CNOT3: variants seen among roughly 807,000 people sequenced by gnomAD.
CNOT3 encodes CCR4-associated factor 3.
A neutral mutation model predicts 89.4 loss-of-function variants in CNOT3; 2 were observed. The ratio of observed to expected loss-of-function variants is 0.02; its 90% CI spans 0.01 to 0.07. The LOEUF is 0.07. Ranked by LOEUF, CNOT3 falls within the 10% of genes least tolerant of loss-of-function variation. CNOT3 has a pLI of 1.00. For synonymous variants in CNOT3, 486 were observed against 402.0 expected, an observed-to-expected ratio of 1.21 and a Z score of -2.50; for missense variants, 664 against 1,010.2, an observed-to-expected ratio of 0.66 and a Z score of 4.65.
rs36665 is a variant in CNOT3, at chr19:54,145,935, C to G, written c.729C>G (p.Pro243=). Residue 243 remains proline, a synonymous_variant, in exon 9 of 18, where the codon CCC becomes CCG. Transcript: ENST00000221232. The surrounding 1 kb of genome is among the most constrained non-coding windows in gnomAD (Gnocchi z 5.9). ...DIPQALVATS[P]PSHSHMEDEI... ...CACAGGCGCTGGTCGCCACCTCCCC[C>G]CCCAGCCACAGCCACATGGAGGATG... is the stretch of plus-strand genomic sequence containing the variant. 100 of 1,613,940 alleles carry G rather than the reference C, an allele frequency of 6.2e-5. No homozygotes were observed. Among genetic ancestry groups the G allele is most frequent in the Admixed American group, 1.0e-4 (6 of 60,020 alleles).
At chr19:54,153,245 C>G (rs555923646) in intron 16 of CNOT3, 1 of 763,150 alleles carries the variant, frequency 1.3e-6, no homozygotes, top group East Asian at 2.4e-5. Flanking sequence ...ACCTCAGCCC[C>G]GCTTCCAGTT....
chr19:54,146,574 G>A, intron 9 of CNOT3, 27 bp from the exon 10 acceptor site: 1 of 1,212,850 alleles, frequency 8.2e-7, no homozygotes, highest in Non-Finnish European at 1.2e-6. Context: ...GGTCACACAG[G>A]TTTCTATTCT....
chr19:54,155,504 C>A lies in CNOT3; in HGVS notation c.*97C>A. The A allele has an allele frequency of 1.0e-6, 1 of 953,778 alleles. No homozygotes were observed. The highest frequency in any genetic ancestry group is 1.6e-6 in the Non-Finnish European group (1 of 641,128). 59.1% of individuals were successfully genotyped at this position (953,778 alleles called of 1,614,324 possible). ...TGGAAGACTGGAGGGAGGCCCCAAG[C>A]CACGGGGCATCCCCCTCTCCCAGGA... On this transcript the variant is annotated 3_prime_UTR_variant, in exon 18 of 18. Coordinates refer to ENST00000221232, the MANE Select transcript of CNOT3 (RefSeq NM_014516.4).
intron 1 of CNOT3, among the ~76,000 whole-genome samples, chr19:54,139,938 A>C (rs2074381027): frequency 6.6e-6 from 1 of 152,136 alleles, no homozygotes; most frequent in South Asian, 2.1e-4. Context: ...CTGTGTGGCC[A>C]CGTCAGCAGC....
At position 54,144,348 on chromosome 19, in the gene CNOT3, C is replaced by T; in HGVS notation, c.483+16C>T. 1 of 1,595,126 alleles carries T rather than the reference C, an allele frequency of 6.3e-7. No homozygotes were observed. The highest frequency in any genetic ancestry group is 8.6e-7 in the Non-Finnish European group (1 of 1,163,248). On this transcript the variant is annotated intron_variant, in intron 7 of 17. Transcript: ENST00000221232. This position sits in a 1 kb window ranked among gnomAD's most constrained non-coding sequence, Gnocchi z 4.8. Reference sequence around the variant, plus strand: ...CGACAAGGATGTGAGTGAGGGAGACCCGACACCTTTGGGATGGGGATGGGC... The same window carrying T: ...CGACAAGGATGTGAGTGAGGGAGACTCGACACCTTTGGGATGGGGATGGGC...
At chr19:54,154,508 G>T in intron 17 of CNOT3, 1 of 171,236 alleles carries the variant, frequency 5.8e-6, no homozygotes, top group Non-Finnish European at 1.3e-5. Flanking sequence ...AATGGTGACT[G>T]CTACATAGTC....
Position 54,152,612 on chromosome 19 carries a change from C to T in CNOT3, c.1890C>T (p.Asp630=). The T allele has an allele frequency of 6.2e-7, 1 of 1,612,824 alleles. No homozygotes were observed. The highest frequency in any genetic ancestry group is 8.5e-7 in the Non-Finnish European group (1 of 1,179,356). The change falls in exon 15 of 18, where the codon GAC becomes GAT. Residue 630 remains aspartate, a synonymous_variant. Transcript: ENST00000221232. ...GGCACCACATGCCTCACCCCTCTGACTCTGAGCGTATTCGGTGAGGGGCCA... is the reference window on the plus strand; with the variant it reads ...GGCACCACATGCCTCACCCCTCTGATTCTGAGCGTATTCGGTGAGGGGCCA... ...AAWHHMPHPS[D]SERIRQYLPR...
chr19:54,144,614 A>G lies in CNOT3; in HGVS notation c.483+282A>G, dbSNP rs995484088. 6.6e-6 allele frequency among the ~76,000 whole-genome samples: 1 copy of G among 152,156 alleles called. No homozygotes were observed. The highest frequency in any genetic ancestry group is 1.5e-5 in the Non-Finnish European group (1 of 68,026). On this transcript the variant is annotated intron_variant, in intron 7 of 17. Coordinates refer to ENST00000221232, the MANE Select transcript of CNOT3 (RefSeq NM_014516.4). The surrounding 1 kb of genome is among the most constrained non-coding windows in gnomAD (Gnocchi z 4.8). ...GAGCGACTTGGGGGAAGGTGAGTGC[A>G]GGTTGAGCTTGGGCCACAGAGTAAA...
rs149799026 is a variant in CNOT3, at chr19:54,155,205, T to C, written c.2164-104T>C. On this transcript the variant is annotated intron_variant, in intron 17 of 17. Transcript: ENST00000221232. Reference sequence around the variant, plus strand: ...CGTGCAGGGCAGCTGGCCCGGTGCCTGACACATCCACAGCCCTAAGAATTG... The same window carrying C: ...CGTGCAGGGCAGCTGGCCCGGTGCCCGACACATCCACAGCCCTAAGAATTG... 12,382 of 1,439,386 alleles carry C rather than the reference T, an allele frequency of 8.6e-3. 56 individuals are homozygous for C. Among genetic ancestry groups the C allele is most frequent in the Non-Finnish European group, 0.011 (11,599 of 1,059,010 alleles). The allele number at this position is 1,439,386 out of a possible 1,614,324, so 89.2% of individuals were successfully genotyped here.
At position 54,146,648 on chromosome 19, in the gene CNOT3, A is replaced by G. The variant is rs767199085; in HGVS notation, c.885A>G (p.Glu295=). 6.4e-7 allele frequency: 1 copy of G among 1,555,548 alleles called. No individual in the cohort carries two copies. The highest frequency in any genetic ancestry group is 1.1e-5 in the South Asian group (1 of 89,902). ...AGAGGGGACGTTCCACAGACAGTGA[A>G]GTCAGCCAGGTGGGTGTGAGCCTGG... ...DKKRGRSTDS[E]VSQSPAKNGS... The change falls in exon 10 of 18, where the codon GAA becomes GAG. Residue 295 remains glutamate, a synonymous_variant. Coordinates refer to ENST00000221232, the MANE Select transcript of CNOT3 (RefSeq NM_014516.4).
intron 12 of CNOT3, among the ~76,000 whole-genome samples, chr19:54,149,028 C>T (rs587702330): frequency 1.1e-4 from 17 of 152,346 alleles, no homozygotes; most frequent in African/African-American, 4.1e-4. Flanking sequence ...TTTCTGTTAC[C>T]TGCCTGAGGC....
intron 4 of CNOT3, 26 bp downstream of exon 4, chr19:54,143,542 C>A (rs763685566): frequency 1.9e-6 from 3 of 1,612,724 alleles, no homozygotes; most frequent in Non-Finnish European, 2.5e-6. Context: ...GCCTGGACGC[C>A]TTTGTCCTGA....
chr19:54,146,540 G>A (rs1035062119), intron 9 of CNOT3, 61 bp from the exon 10 acceptor site: 6 of 848,932 alleles, frequency 7.1e-6, no homozygotes, highest in Non-Finnish European at 1.0e-5. Flanking sequence ...TCAGAGATTG[G>A]CGGTTCTCCA....
intron 1 of CNOT3, among the ~76,000 whole-genome samples, chr19:54,139,292 G>A (rs898203037): frequency 3.3e-5 from 5 of 152,136 alleles, no homozygotes; most frequent in Non-Finnish European, 2.9e-5. Flanking sequence ...AGCTCTCCAA[G>A]GACCAAGAAG....
At chr19:54,146,542 G>T in intron 9 of CNOT3, 59 bp from the exon 10 acceptor site, 1 of 857,552 alleles carries the variant, frequency 1.2e-6, no homozygotes. Flanking sequence ...AGAGATTGGC[G>T]GTTCTCCATC....
At chr19:54,140,273 G>A (rs1442124821) in intron 1 of CNOT3, among the ~76,000 whole-genome samples, 1 of 152,106 alleles carries the variant, frequency 6.6e-6, no homozygotes, top group Non-Finnish European at 1.5e-5. Flanking sequence ...CCCGCCTTGT[G>A]GGTCCCTTCC....
intron 17 of CNOT3, chr19:54,154,201 G>C: frequency 2.3e-6 from 1 of 435,380 alleles, no homozygotes; most frequent in Non-Finnish European, 4.5e-6. Flanking sequence ...TGCTGCCGAG[G>C]GACCTTGATG....
intron 3 of CNOT3, 32 bp downstream of exon 3, chr19:54,143,218 C>T: frequency 6.3e-7 from 1 of 1,594,586 alleles, no homozygotes; most frequent in Non-Finnish European, 8.6e-7. Flanking sequence ...TAATCTGGGT[C>T]TTCAGAGAGG....
At position 54,145,027 on chromosome 19, in the gene CNOT3, T is replaced by C. The variant is rs1438134084; in HGVS notation, c.484-571T>C. On this transcript the variant is annotated intron_variant, in intron 7 of 17. Coordinates refer to ENST00000221232, the MANE Select transcript of CNOT3 (RefSeq NM_014516.4). The surrounding 1 kb of genome is among the most constrained non-coding windows in gnomAD (Gnocchi z 5.9). Reference sequence around the variant, plus strand: ...ATGGGTCCTTGAACAGAGCAGAGATTTGGAACCAAGGCTAAGATGTTAAAT... The same window carrying C: ...ATGGGTCCTTGAACAGAGCAGAGATCTGGAACCAAGGCTAAGATGTTAAAT... Among the ~76,000 whole-genome samples, 5 of 151,716 alleles carry C rather than the reference T, an allele frequency of 3.3e-5. No homozygotes were observed. The highest frequency in any genetic ancestry group is 4.2e-4 in the South Asian group (2 of 4,804).
Sources: gnomAD v4.1 joint callset for allele counts (sites outside exome capture counted in the v4.1 genomes callset) on GRCh38, gnomAD v4.1.1 for gene constraint, Gnocchi (gnomAD v3.1) non-coding constraint, MANE v1.5 for transcripts, NCBI Gene and HGNC (gene_info 2026-07-23, HGNC 2026-07-21) for gene names.